SORBS2: variants seen among roughly 807,000 people sequenced by gnomAD.
The protein encoded by SORBS2 is sorbin and SH3 domain containing 2, also known as sorbin and SH3 domain-containing protein 2.
SORBS2 carries 46 observed loss-of-function variants against 97.7 expected under a neutral mutation model. The observed-to-expected ratio is 0.47, with a 90% confidence interval of 0.37 to 0.60. SORBS2 has a LOEUF of 0.60. Ranked by LOEUF, SORBS2 falls within the 20% of genes least tolerant of loss-of-function variation. The pLI is 0.00. For synonymous variants in SORBS2, 476 were observed against 473.4 expected (o/e 1.01, Z -0.07); for missense variants, 1,316 against 1,282.3 (o/e 1.03, Z -0.40).
At chr4:185,834,651 C>T (rs2099207000) in intron 1 of SORBS2, among the ~76,000 whole-genome samples, 1 of 151,786 alleles carries the variant, frequency 6.6e-6, no homozygotes, top group African/African-American at 2.4e-5. Context: ...GTAAATATTT[C>T]TATTTAAAAT....
chr4:185,845,848 A>G (rs2099214234), intron 1 of SORBS2, among the ~76,000 whole-genome samples: 1 of 152,236 alleles, frequency 6.6e-6, no homozygotes, highest in Non-Finnish European at 1.5e-5. Context: ...AATGCAAATG[A>G]AAACTATTAC....
intron 1 of SORBS2, among the ~76,000 whole-genome samples, chr4:185,798,552 GCT>G (rs2099116210): frequency 6.6e-6 from 1 of 152,102 alleles, no homozygotes; most frequent in Non-Finnish European, 1.5e-5. Flanking sequence ...ACACTTAATA[GCT>G]TTTTAAAAAG....
chr4:185,814,978 T>C (rs886529066), intron 1 of SORBS2, among the ~76,000 whole-genome samples: 16 of 152,360 alleles, frequency 1.1e-4, no homozygotes, highest in African/African-American at 3.4e-4. Context: ...ATGTGCTAGA[T>C]ACAGATTTCC....
At chr4:185,950,283 G>A (rs2099276606) in intron 1 of SORBS2, among the ~76,000 whole-genome samples, 1 of 151,820 alleles carries the variant, frequency 6.6e-6, no homozygotes, top group Admixed American at 6.6e-5. Context: ...GAATGAATTT[G>A]TAAAGTAACA....
intron 2 of SORBS2, among the ~76,000 whole-genome samples, chr4:185,752,452 T>C (rs951424312): frequency 6.6e-6 from 1 of 152,082 alleles, no homozygotes; most frequent in Non-Finnish European, 1.5e-5. Context: ...ATTTTTTGTA[T>C]TTTTTAGTAG....
chr4:185,807,058 AG>A, intron 1 of SORBS2, among the ~76,000 whole-genome samples: 1 of 152,350 alleles, frequency 6.6e-6, no homozygotes, highest in South Asian at 2.1e-4. Context: ...CAGAGGGAAG[AG>A]AGAAAAACTG....
chr4:185,911,505 A>G (rs937320572), intron 1 of SORBS2, among the ~76,000 whole-genome samples: 1 of 151,998 alleles, frequency 6.6e-6, no homozygotes. Context: ...GATTATAAGC[A>G]TGAGCCACCA....
At chr4:185,928,966 C>G (rs1172853479) in intron 1 of SORBS2, among the ~76,000 whole-genome samples, 1 of 152,180 alleles carries the variant, frequency 6.6e-6, no homozygotes, top group South Asian at 2.1e-4. Context: ...TAAACACATC[C>G]AAACTCTTAT....
chr4:185,587,719 G>C, intron 14 of SORBS2, 31 bp from the exon 27 acceptor site: 1 of 1,551,490 alleles, frequency 6.4e-7, no homozygotes, highest in Non-Finnish European at 8.9e-7. Flanking sequence ...TGAAAGGGGG[G>C]TGACAACGAT....
chr4:185,668,031 GT>G (rs1449057430), intron 4 of SORBS2, among the ~76,000 whole-genome samples: 1 of 151,928 alleles, frequency 6.6e-6, no homozygotes, highest in African/African-American at 2.4e-5. Context: ...TCTCTTTTTA[GT>G]TTTATTTATG....
At chr4:185,652,309 G>A (rs934822199) in intron 2 of SORBS2, among the ~76,000 whole-genome samples, 5 of 152,168 alleles carry the variant, frequency 3.3e-5, no homozygotes, top group African/African-American at 7.2e-5. Flanking sequence ...AGGCAGACCC[G>A]CGCAGGCTCA....
At chr4:185,899,539 C>A (rs552089099) in intron 1 of SORBS2, among the ~76,000 whole-genome samples, 9 of 152,128 alleles carry the variant, frequency 5.9e-5, no homozygotes, top group African/African-American at 9.7e-5. Context: ...GATCCTCCCC[C>A]CTCAGCCTCC....
intron 1 of SORBS2, among the ~76,000 whole-genome samples, chr4:185,855,521 G>T (rs766895415): frequency 5.9e-5 from 9 of 151,986 alleles, no homozygotes; most frequent in Non-Finnish European, 8.8e-5. Context: ...CTCCTTGGCT[G>T]CTAATCAAGG....
chr4:185,730,005 T>C lies in SORBS2; in HGVS notation c.-198+45222A>G, dbSNP rs116391155. Among the ~76,000 whole-genome samples the C allele has an allele frequency of 6.5e-3, 996 of 152,222 alleles. 7 individuals carry two copies. The highest frequency in any genetic ancestry group is 0.011 in the Non-Finnish European group (755 of 68,002). ...TCTTGCTCTATCGCCCAGACTGGAG[T>C]GCAGTAGAGCCATCTCGGCTCACTG... On this transcript the variant is annotated intron_variant, in intron 2 of 20. Transcript: ENST00000284776.
At chr4:185,825,918 G>T (rs1054893143) in intron 1 of SORBS2, among the ~76,000 whole-genome samples, 1 of 152,116 alleles carries the variant, frequency 6.6e-6, no homozygotes, top group Admixed American at 6.5e-5. Flanking sequence ...TCCTCACTCG[G>T]TGGCTATAGA....
chr4:185,879,705 C>T (rs373562487), intron 1 of SORBS2, among the ~76,000 whole-genome samples: 1 of 152,162 alleles, frequency 6.6e-6, no homozygotes, highest in Non-Finnish European at 1.5e-5. Context: ...TTTTAATGAT[C>T]GCCATTCTAA....
intron 8 of SORBS2, among the ~76,000 whole-genome samples, 155 bp from the exon 21 acceptor site, chr4:185,618,786 T>C (rs2096665570): frequency 6.6e-6 from 1 of 152,234 alleles, no homozygotes; most frequent in East Asian, 1.9e-4. Flanking sequence ...GTCCATTCAT[T>C]CTTCATTTAG....
At chr4:185,649,632 G>A (rs781680615) in exon 3 of SORBS2, 2 of 1,556,240 alleles carry the variant, frequency 1.3e-6, no homozygotes, top group Non-Finnish European at 1.7e-6. Context: ...GTGTGACTGA[G>A]CACTGTAGGG....
chr4:185,835,831 T>C (rs2099207769), intron 1 of SORBS2, among the ~76,000 whole-genome samples: 1 of 151,974 alleles, frequency 6.6e-6, no homozygotes, highest in Non-Finnish European at 1.5e-5. Flanking sequence ...ATGAGGAGTG[T>C]CTGAGGAGGC....
Sources: gnomAD v4.1 joint callset for allele counts (sites outside exome capture counted in the v4.1 genomes callset) on GRCh38, gnomAD v4.1.1 for gene constraint, MANE v1.5 for transcripts, NCBI Gene and HGNC (gene_info 2026-07-23, HGNC 2026-07-21) for gene names.